Variants in CADPS2 observed in about 807,000 individuals in gnomAD.
The protein encoded by CADPS2 is calcium dependent secretion activator 2, also known as calcium-dependent secretion activator 2.
In CADPS2, 93 loss-of-function variants were observed where a neutral mutation model predicts 172.5. The observed-to-expected ratio is 0.54, with a 90% CI of 0.46 to 0.64. The LOEUF (loss-of-function observed/expected upper bound fraction) is 0.64, where lower values mean the gene tolerates loss of function less well. Among genes scored for constraint, CADPS2 ranks in the 30% least tolerant of loss-of-function variants. The probability of loss-of-function intolerance (pLI) is 0.00; values close to 1 mark genes in which losing one functional copy is unlikely to be tolerated. For synonymous variants in CADPS2, 546 were observed against 555.2 expected, an observed-to-expected ratio of 0.98 and a Z score of 0.23; for missense variants, 1,420 against 1,565.9, an observed-to-expected ratio of 0.91 and a Z score of 1.57.
At chr7:122,650,981 C>T (rs2079093795) in intron 3 of CADPS2, among the ~76,000 whole-genome samples, 1 of 151,936 alleles carries the variant, frequency 6.6e-6, no homozygotes, top group South Asian at 2.1e-4. Context: ...TTGTTTTTCC[C>T]TTGCTGCATC....
chr7:122,835,379 C>T (rs1808048379), intron 1 of CADPS2, among the ~76,000 whole-genome samples: 1 of 152,232 alleles, frequency 6.6e-6, no homozygotes, highest in Admixed American at 6.5e-5. Flanking sequence ...CAGAGCACCT[C>T]TCCCCCTCCA....
chr7:122,555,679 T>C (rs1003297954), intron 7 of CADPS2, among the ~76,000 whole-genome samples: 6 of 152,108 alleles, frequency 3.9e-5, no homozygotes, highest in African/African-American at 7.2e-5. Flanking sequence ...CACAAAGTGA[T>C]TGTGAATCTG....
At chr7:122,420,034 G>A (rs1285461584) in intron 17 of CADPS2, among the ~76,000 whole-genome samples, 1 of 152,138 alleles carries the variant, frequency 6.6e-6, no homozygotes, top group East Asian at 1.9e-4. Flanking sequence ...CATTTCCAGA[G>A]TCTTGGAGAG....
At chr7:122,342,460 T>C (rs1455051751) in intron 28 of CADPS2, among the ~76,000 whole-genome samples, 1 of 152,212 alleles carries the variant, frequency 6.6e-6, no homozygotes, top group Non-Finnish European at 1.5e-5. Flanking sequence ...TGTGAGTAGT[T>C]AGTTACTACA....
intron 2 of CADPS2, among the ~76,000 whole-genome samples, chr7:122,691,179 G>A (rs575449160): frequency 1.3e-5 from 2 of 152,324 alleles, no homozygotes; most frequent in African/African-American, 4.8e-5. Context: ...TATCAGGTAA[G>A]TCGTCCATAT....
At chr7:122,472,312 T>TA (rs60797530) in intron 13 of CADPS2, among the ~76,000 whole-genome samples, 55,188 of 151,246 alleles carry the variant, frequency 0.36, 10,203 homozygotes, top group African/African-American at 0.43. Flanking sequence ...GTAAGAGAAA[T>TA]AAAGAATAAT....
At chr7:122,627,475 C>CT (rs1217338015) in intron 4 of CADPS2, among the ~76,000 whole-genome samples, 1 of 152,154 alleles carries the variant, frequency 6.6e-6, no homozygotes, top group African/African-American at 2.4e-5. Context: ...TTTTTCCACT[C>CT]TATCAACATC....
intron 1 of CADPS2, among the ~76,000 whole-genome samples, chr7:122,817,114 A>C (rs988839449): frequency 6.6e-6 from 1 of 152,144 alleles, no homozygotes; most frequent in Non-Finnish European, 1.5e-5. Context: ...ACCCAGGTGA[A>C]ATAAGCAGCC....
intron 16 of CADPS2, among the ~76,000 whole-genome samples, chr7:122,438,667 C>A (rs1333534665): frequency 6.6e-6 from 1 of 151,968 alleles, no homozygotes; most frequent in Non-Finnish European, 1.5e-5. Context: ...AGAATGTAAT[C>A]CTCCCACCTT....
intron 1 of CADPS2, among the ~76,000 whole-genome samples, chr7:122,883,180 A>G (rs1382926285): frequency 6.6e-6 from 1 of 152,198 alleles, no homozygotes; most frequent in African/African-American, 2.4e-5. Context: ...ATTTTAGCCA[A>G]GTGAAAAAAA....
chr7:122,856,452 C>A (rs796156664), intron 1 of CADPS2, among the ~76,000 whole-genome samples: 57 of 152,130 alleles, frequency 3.7e-4, no homozygotes, highest in African/African-American at 1.3e-3. Context: ...TTCATCTTTA[C>A]CTTCACCACC....
chr7:122,792,350 G>A (rs1795463912), intron 1 of CADPS2, among the ~76,000 whole-genome samples: 1 of 152,142 alleles, frequency 6.6e-6, no homozygotes, highest in African/African-American at 2.4e-5. Context: ...TATAAAGGAG[G>A]CTCTAGGCCC....
chr7:122,364,077 A>G (rs1323189232), intron 25 of CADPS2, among the ~76,000 whole-genome samples: 1 of 152,202 alleles, frequency 6.6e-6, no homozygotes, highest in East Asian at 1.9e-4. Context: ...CAGAACTGTA[A>G]GAATTAAGTG....
chr7:122,413,266 ATGGTC>A (rs1456295802), intron 19 of CADPS2, among the ~76,000 whole-genome samples: 1 of 152,196 alleles, frequency 6.6e-6, no homozygotes, highest in Non-Finnish European at 1.5e-5. Context: ...CTGGTCAGAG[ATGGTC>A]TGGTCACTGA....
chr7:122,702,643 G>A, intron 2 of CADPS2: 3 of 1,613,478 alleles, frequency 1.9e-6, no homozygotes, highest in Non-Finnish European at 2.5e-6. Flanking sequence ...CTGTCCAAAT[G>A]GCTTTTCCGT....
intron 24 of CADPS2, among the ~76,000 whole-genome samples, chr7:122,384,130 G>T (rs1381277045): frequency 6.6e-6 from 1 of 152,084 alleles, no homozygotes; most frequent in Non-Finnish European, 1.5e-5. Flanking sequence ...TCACACAGCT[G>T]TCACATGAGC....
intron 17 of CADPS2, among the ~76,000 whole-genome samples, chr7:122,422,880 A>C (rs1393745829): frequency 6.6e-6 from 1 of 151,810 alleles, no homozygotes; most frequent in African/African-American, 2.4e-5. Flanking sequence ...AATTGCTTGA[A>C]CCTGGGAGGC....
chr7:122,825,437 C>A (rs1171859014), intron 1 of CADPS2, among the ~76,000 whole-genome samples: 1 of 151,942 alleles, frequency 6.6e-6, no homozygotes, highest in Non-Finnish European at 1.5e-5. Context: ...CAATATAATA[C>A]CTTCCTTATG....
intron 22 of CADPS2, among the ~76,000 whole-genome samples, chr7:122,390,688 A>G (rs1005422369): frequency 2.0e-5 from 3 of 152,118 alleles, no homozygotes; most frequent in African/African-American, 7.2e-5. Flanking sequence ...TGTAATTAAG[A>G]TAACAAGTGT....
Sources: allele counts gnomAD v4.1 joint callset (sites outside exome capture counted in the v4.1 genomes callset), GRCh38; gene constraint gnomAD v4.1.1; transcripts MANE v1.5; gene names NCBI Gene and HGNC (gene_info 2026-07-23, HGNC 2026-07-21).